ITGAM: variants seen among roughly 807,000 people sequenced by gnomAD.
The protein encoded by ITGAM is integrin alpha-M.
In ITGAM, 79 loss-of-function variants were observed where a neutral mutation model predicts 137.5. The observed-to-expected ratio is 0.57, with a 90% CI of 0.48 to 0.69. The LOEUF is 0.69. Ranked by LOEUF, ITGAM falls within the 30% of genes least tolerant of loss-of-function variation. The pLI is 0.00. For synonymous variants in ITGAM, 583 were observed against 592.3 expected (o/e 0.98, Z 0.23); for missense variants, 1,343 against 1,483.5 (o/e 0.91, Z 1.56).
chr16:31,325,332 G>A lies in ITGAM; in HGVS notation c.2433G>A (p.Glu811=), dbSNP rs1347034541. 6.2e-7 allele frequency: 1 copy of A among 1,613,938 alleles called. No homozygotes were observed. Among genetic ancestry groups the A allele is most frequent in the South Asian group, 1.1e-5 (1 of 91,076 alleles). The change falls in exon 20 of 30, where the codon GAG becomes GAA. Residue 811 remains glutamate, a synonymous_variant. Transcript: ENST00000544665. The part of the protein sequence containing the change: ...NVTVTVRNDG[E]DSYRTQVTFF... ...CAGTGACTGTGAGAAATGATGGTGAGGACTCCTACAGGACACAGGTCACCT... is the reference window on the plus strand; with the variant it reads ...CAGTGACTGTGAGAAATGATGGTGAAGACTCCTACAGGACACAGGTCACCT...
chr16:31,283,018 C>A (rs1441557622), intron 12 of ITGAM, among the ~76,000 whole-genome samples: 1 of 152,180 alleles, frequency 6.6e-6, no homozygotes, highest in East Asian at 1.9e-4. Flanking sequence ...GTTGAAAATT[C>A]TTTTCTCTAA....
intron 14 of ITGAM, among the ~76,000 whole-genome samples, chr16:31,303,349 C>T (rs1278105136): frequency 6.6e-6 from 1 of 152,036 alleles, no homozygotes; most frequent in Non-Finnish European, 1.5e-5. Context: ...AAGTTATGTA[C>T]CAGTAATTTA....
chr16:31,272,640 C>A (rs2079864406), intron 7 of ITGAM, among the ~76,000 whole-genome samples: 2 of 149,390 alleles, frequency 1.3e-5, no homozygotes, highest in Admixed American at 6.7e-5. Flanking sequence ...TCCATCACCA[C>A]CATCAGCTAA....
chr16:31,289,652 T>A (rs1284416565), intron 12 of ITGAM, among the ~76,000 whole-genome samples: 24 of 152,192 alleles, frequency 1.6e-4, no homozygotes, highest in Admixed American at 1.6e-3. Context: ...ATATACCTAA[T>A]GTAAATGACA....
In ITGAM at chr16:31,313,323, T is replaced by A. The variant is rs2080355693; in HGVS notation, c.1708-7918T>A. ...TGGTTTGCTGCACCCATCAACCCGT[T>A]GTCTAGGTTTTAAGCCTCACATGCA... On this transcript the variant is annotated intron_variant, in intron 14 of 29. Transcript: ENST00000544665. 1.3e-5 allele frequency among the ~76,000 whole-genome samples: 2 copies of A among 151,986 alleles called. 1 individual carries two copies. The highest frequency in any genetic ancestry group is 4.1e-4 in the South Asian group (2 of 4,824).
chr16:31,331,861 G>C lies in ITGAM; in HGVS notation c.*154G>C. ...TGTGTGTGTGCAAGTGTGTATGTGC[G>C]TGTGTGCAAGTGTCTGTGTGCAAGT... On this transcript the variant is annotated 3_prime_UTR_variant, in exon 30 of 30. Transcript: ENST00000544665. The C allele has an allele frequency of 2.0e-6, 1 of 503,428 alleles. No homozygotes were observed. The highest frequency in any genetic ancestry group is 3.4e-6 in the Non-Finnish European group (1 of 293,098). 31.2% of individuals were successfully genotyped at this position (503,428 alleles called of 1,614,324 possible). A position where few individuals can be genotyped will look rare whatever the true frequency, so the allele number is the denominator to read the frequency against.
At chr16:31,330,874 T>TATAG (rs1555471962) in intron 28 of ITGAM, among the ~76,000 whole-genome samples, 3 of 149,692 alleles carry the variant, frequency 2.0e-5, no homozygotes, top group Admixed American at 2.0e-4. Flanking sequence ...GAGATGGAGA[T>TATAG]AGACAGAGAG....
At chr16:31,304,076 C>T (rs1191076595) in intron 14 of ITGAM, among the ~76,000 whole-genome samples, 1 of 152,134 alleles carries the variant, frequency 6.6e-6, no homozygotes, top group Admixed American at 6.5e-5. Context: ...TTTACATTCC[C>T]ACCAGCAGTG....
At chr16:31,279,467 T>C (rs2079944657) in intron 12 of ITGAM, among the ~76,000 whole-genome samples, 1 of 152,178 alleles carries the variant, frequency 6.6e-6, no homozygotes, top group South Asian at 2.1e-4. Context: ...GTGATTTTGA[T>C]TTGCATTTCT....
intron 5 of ITGAM, among the ~76,000 whole-genome samples, chr16:31,267,983 T>C (rs925424747): frequency 6.6e-6 from 1 of 152,040 alleles, no homozygotes; most frequent in Non-Finnish European, 1.5e-5. Flanking sequence ...CTAGGACAAT[T>C]AACTTCCCCC....
At position 31,325,524 on chromosome 16, in the gene ITGAM, C is replaced by T. The variant is rs199694320; in HGVS notation, c.2530C>T (p.Arg844Cys). The part of the protein sequence containing the change: ...LQNQRSQRSW[R>C]LACESASSTE... ...GAACCAGCGCTCACAGCGATCCTGGCGCCTGGCCTGTGAGTCTGCCTCCTC... is the reference window on the plus strand; with the variant it reads ...GAACCAGCGCTCACAGCGATCCTGGTGCCTGGCCTGTGAGTCTGCCTCCTC... Residue 844 changes from arginine to cysteine, a missense_variant, in exon 21 of 30, where the codon CGC becomes TGC. Transcript: ENST00000544665. 8.4e-5 allele frequency: 135 copies of T among 1,613,972 alleles called. No individual in the cohort carries two copies. The Admixed American group carries it at 1.8e-3, about 21-fold the overall frequency.
intron 12 of ITGAM, 125 bp from the exon 13 acceptor site, chr16:31,297,389 T>C (rs903169709): frequency 2.4e-6 from 3 of 1,233,914 alleles, no homozygotes; most frequent in East Asian, 4.6e-5. Context: ...TCATGAACCA[T>C]ATAGAAGATC....
chr16:31,332,830 T>C lies in ITGAM; in HGVS notation c.*1123T>C, dbSNP rs765473963. On this transcript the variant is annotated 3_prime_UTR_variant, in exon 30 of 30. Transcript: ENST00000544665. ...TGATATACTATTTTCATTCTCTTGT[T>C]ATTGCATCAATGCTGAGTTAATAAA... 16 of 152,262 alleles carry C rather than the reference T, an allele frequency of 1.1e-4. No homozygotes were observed. The highest frequency in any genetic ancestry group is 1.7e-4 in the African/African-American group (7 of 41,470). The allele number at this position is 152,262 out of a possible 1,614,324, so 9.4% of individuals were successfully genotyped here. A position where few individuals can be genotyped will look rare whatever the true frequency, so the allele number is the denominator to read the frequency against.
At chr16:31,307,936 A>G (rs2080282423) in intron 14 of ITGAM, among the ~76,000 whole-genome samples, 1 of 152,142 alleles carries the variant, frequency 6.6e-6, no homozygotes, top group African/African-American at 2.4e-5. Flanking sequence ...TTCTGTTTAT[A>G]TGCTGGATTA....
At position 31,324,866 on chromosome 16, in the gene ITGAM, T is replaced by C; in HGVS notation, c.2289+84T>C. On this transcript the variant is annotated intron_variant, in intron 18 of 29. Coordinates refer to ENST00000544665, the MANE Select transcript of ITGAM (RefSeq NM_000632.4). This position sits in a 1 kb window ranked among gnomAD's most constrained non-coding sequence, Gnocchi z 4.5. ...GAAACTCATTTTATTTGATTGCATC[T>C]AATTTTACTTCAACATTTGATTTTA... 6.5e-7 allele frequency: 1 copy of C among 1,545,870 alleles called. No homozygotes were observed. Among genetic ancestry groups the C allele is most frequent in the Admixed American group, 1.9e-5 (1 of 53,224 alleles).
chr16:31,276,780 A>AG, intron 10 of ITGAM, 36 bp downstream of exon 10: 1 of 1,470,990 alleles, frequency 6.8e-7, no homozygotes, highest in Non-Finnish European at 9.4e-7. Flanking sequence ...GGGGTGGGGC[A>AG]GGGGGTAGCA....
chr16:31,325,306 A>T lies in ITGAM; in HGVS notation c.2407A>T (p.Thr803Ser). The part of the protein sequence containing the change: ...VVGGPREFNV[T>S]VTVRNDGEDS... The stretch of plus-strand genomic sequence containing the variant: ...GGGTGGGCCCCGGGAGTTCAACGTG[A>T]CAGTGACTGTGAGAAATGATGGTGA... Residue 803 changes from threonine to serine, a missense_variant, in exon 20 of 30, where the codon ACA becomes TCA. Thr to Ser is a moderately conservative substitution (Grantham distance 58, BLOSUM62 1). Transcript: ENST00000544665. The T allele has an allele frequency of 6.2e-7, 1 of 1,613,912 alleles. No homozygotes were observed.
At chr16:31,305,486 GT>G (rs1295321554) in intron 14 of ITGAM, among the ~76,000 whole-genome samples, 1 of 152,082 alleles carries the variant, frequency 6.6e-6, no homozygotes. Context: ...GGGACTTTCA[GT>G]ACTGTGTTGA....
At chr16:31,273,721 G>T in intron 8 of ITGAM, 1 of 488,878 alleles carries the variant, frequency 2.0e-6, no homozygotes, top group Non-Finnish European at 3.6e-6. Flanking sequence ...TAATAAGTAA[G>T]CCTGTGGGTC....
Sources: gnomAD v4.1 joint callset for allele counts (sites outside exome capture counted in the v4.1 genomes callset) on GRCh38, gnomAD v4.1.1 for gene constraint, Gnocchi (gnomAD v3.1) non-coding constraint, MANE v1.5 for transcripts, NCBI Gene and HGNC (gene_info 2026-07-23, HGNC 2026-07-21) for gene names.